Variants in ADAMTS14 observed in about 807,000 individuals in gnomAD.
ADAMTS14 encodes the protein ADAM metallopeptidase with thrombospondin type 1 motif 14.
Under a neutral mutation model 128.6 loss-of-function variants are expected in ADAMTS14, and 100 were observed. The observed-to-expected ratio is 0.78, with a 90% CI of 0.66 to 0.92. The LOEUF (loss-of-function observed/expected upper bound fraction) is 0.92, where lower values mean the gene tolerates loss of function less well. Ranked by LOEUF, ADAMTS14 falls within the 40% of genes least tolerant of loss-of-function variation. The probability of loss-of-function intolerance (pLI) is 0.00; values close to 1 mark genes in which losing one functional copy is unlikely to be tolerated. For synonymous variants in ADAMTS14, 665 were observed against 653.8 expected (o/e 1.02, Z -0.26); for missense variants, 1,562 against 1,658.6 (o/e 0.94, Z 1.01).
At chr10:70,732,935 G>A (rs560725153) in intron 7 of ADAMTS14, among the ~76,000 whole-genome samples, 32 of 152,272 alleles carry the variant, frequency 2.1e-4, no homozygotes, top group East Asian at 3.9e-4. Flanking sequence ...ACCATGCACC[G>A]GGCCCCATTC....
intron 4 of ADAMTS14, among the ~76,000 whole-genome samples, chr10:70,725,614 A>G (rs1253452248): frequency 6.6e-6 from 1 of 152,140 alleles, no homozygotes; most frequent in East Asian, 1.9e-4. Flanking sequence ...TCCTTTTATA[A>G]GGACACTAAT....
intron 15 of ADAMTS14, among the ~76,000 whole-genome samples, chr10:70,746,107 G>A (rs1199858220): frequency 6.6e-6 from 1 of 152,120 alleles, no homozygotes; most frequent in African/African-American, 2.4e-5. Context: ...AGGAATAGGA[G>A]GAATGTAGAG....
chr10:70,717,106 T>G (rs550769917), intron 4 of ADAMTS14, among the ~76,000 whole-genome samples: 1 of 152,314 alleles, frequency 6.6e-6, no homozygotes, highest in East Asian at 1.9e-4. Flanking sequence ...AAAGGGGTAG[T>G]TGTTTTCAGC....
At chr10:70,727,670 CTGGCATCACATCCCTGACCATGCTGG>C (rs1841486599) in intron 4 of ADAMTS14, among the ~76,000 whole-genome samples, 1 of 152,028 alleles carries the variant, frequency 6.6e-6, no homozygotes, top group Admixed American at 6.6e-5. Flanking sequence ...GACCACACTG[CTGGCATCACATCCCTGACCATGCTGG>C]TGGCATCACA....
Position 70,731,834 on chromosome 10 carries a change from G to A in ADAMTS14, c.1103-420G>A, listed in dbSNP as rs528848236. 3.3e-4 allele frequency among the ~76,000 whole-genome samples: 50 copies of A among 152,326 alleles called. 1 individual carries two copies. In the South Asian group the frequency reaches 9.9e-3, roughly 30 times the overall value. On this transcript the variant is annotated intron_variant, in intron 6 of 21. Coordinates refer to ENST00000373207, the MANE Select transcript of ADAMTS14 (RefSeq NM_080722.4). ...GGTGGTGGGTGGGTAGCGGGGTGTT[G>A]CAGGGTCGGGGTAGGCTCGGATCTG...
At chr10:70,756,779 CA>C (rs1842487288) in intron 19 of ADAMTS14, among the ~76,000 whole-genome samples, 1 of 152,236 alleles carries the variant, frequency 6.6e-6, no homozygotes. Context: ...CCTGTTTCAG[CA>C]GCTGGCCCAG....
At chr10:70,742,888 A>T (rs1360935896) in intron 12 of ADAMTS14, among the ~76,000 whole-genome samples, 1 of 152,194 alleles carries the variant, frequency 6.6e-6, no homozygotes, top group South Asian at 2.1e-4. Flanking sequence ...CTGTTGCTCC[A>T]TTTTGCAAAC....
At chr10:70,729,521 C>A in intron 5 of ADAMTS14, 144 bp downstream of exon 5, 1 of 727,282 alleles carries the variant, frequency 1.4e-6, no homozygotes, top group South Asian at 1.7e-5. Context: ...AGAATTGTGG[C>A]TTCAGTGATG....
intron 15 of ADAMTS14, among the ~76,000 whole-genome samples, chr10:70,745,848 CA>C (rs1842163256): frequency 1.3e-5 from 2 of 152,106 alleles, no homozygotes; most frequent in Admixed American, 6.5e-5. Context: ...TGGCCTCGCT[CA>C]CATGTCTGGT....
chr10:70,755,352 C>A (rs1007023345), intron 19 of ADAMTS14, among the ~76,000 whole-genome samples: 4 of 151,474 alleles, frequency 2.6e-5, no homozygotes, highest in Non-Finnish European at 4.4e-5. Flanking sequence ...AGCCAGACAT[C>A]CAGACATGTA....
chr10:70,733,808 C>G (rs1841728987), intron 7 of ADAMTS14, 77 bp from the exon 8 acceptor site: 3 of 1,541,822 alleles, frequency 1.9e-6, no homozygotes, highest in Non-Finnish European at 2.6e-6. Flanking sequence ...TCTCCTGCTG[C>G]TGGCCTGCCT....
intron 4 of ADAMTS14, among the ~76,000 whole-genome samples, chr10:70,723,019 C>A (rs1190566788): frequency 6.6e-6 from 1 of 152,188 alleles, no homozygotes; most frequent in East Asian, 1.9e-4. Flanking sequence ...CTGACAAACA[C>A]TCCCTCAGCT....
Position 70,679,858 on chromosome 10 carries a change from T to A in ADAMTS14, c.522+4863T>A, listed in dbSNP as rs545140646. ...TTTGGGAGGGGCAGGGGAGGCTGCA[T>A]CCCAGCCCAGCTGCTCACCACTGAA... On this transcript the variant is annotated intron_variant, in intron 2 of 21. Transcript: ENST00000373207. Among the ~76,000 whole-genome samples, 3 of 152,232 alleles carry A rather than the reference T, an allele frequency of 2.0e-5. No individual in the cohort carries two copies. In the South Asian group the frequency reaches 6.2e-4, roughly 32 times the overall value.
At position 70,708,272 on chromosome 10, in the gene ADAMTS14, G is replaced by A. The variant is rs528838991; in HGVS notation, c.680-316G>A. ...TCATGTTATAAGAGAGACAATGGAG[G>A]CCAGAGAAGCGAGGGATTGGGCCTG... On this transcript the variant is annotated intron_variant, in intron 3 of 21. Coordinates refer to ENST00000373207, the MANE Select transcript of ADAMTS14 (RefSeq NM_080722.4). Among the ~76,000 whole-genome samples, 98 of 152,326 alleles carry A rather than the reference G, an allele frequency of 6.4e-4. 2 individuals carry two copies. The highest frequency in any genetic ancestry group is 2.3e-3 in the African/African-American group (94 of 41,568).
chr10:70,685,874 A>G (rs1477070), intron 2 of ADAMTS14, among the ~76,000 whole-genome samples: 25,373 of 152,048 alleles, frequency 0.17, 2,690 homozygotes, highest in Middle Eastern at 0.25. Flanking sequence ...GGCTCCCACT[A>G]TGAGGGGGAG....
At chr10:70,759,128 CTA>C (rs1564563827) in intron 21 of ADAMTS14, among the ~76,000 whole-genome samples, 16 of 32,898 alleles carry the variant, frequency 4.9e-4, no homozygotes, top group Non-Finnish European at 8.2e-4. Context: ...CTCCAATCTT[CTA>C]CTTCTCTGCT....
intron 4 of ADAMTS14, among the ~76,000 whole-genome samples, chr10:70,711,787 G>C (rs1564532685): frequency 6.6e-6 from 1 of 152,126 alleles, no homozygotes; most frequent in Non-Finnish European, 1.5e-5. Flanking sequence ...ACGTGGAGGC[G>C]AATGGTATCC....
intron 2 of ADAMTS14, among the ~76,000 whole-genome samples, chr10:70,681,524 T>G (rs772747865): frequency 3.9e-5 from 6 of 151,952 alleles, no homozygotes; most frequent in Non-Finnish European, 7.4e-5. Flanking sequence ...TAAACAGGAG[T>G]CACATTAGTG....
In ADAMTS14 at chr10:70,751,510, C is replaced by T. The variant is rs1842349590; in HGVS notation, c.2460C>T (p.Ser820=). 1 of 1,610,620 alleles carries T rather than the reference C, an allele frequency of 6.2e-7. No homozygotes were observed. Among genetic ancestry groups the T allele is most frequent in the Non-Finnish European group, 8.5e-7 (1 of 1,177,108 alleles). Reference sequence around the variant, plus strand: ...CCCCAACTGAGGGTGGCCCCCGCAGCAGCCTGGCCTACAAGTACGTCATCC... The same window carrying T: ...CCCCAACTGAGGGTGGCCCCCGCAGTAGCCTGGCCTACAAGTACGTCATCC... ...ALPPTEGGPR[S]SLAYKYVIHE... Residue 820 remains serine (S), a synonymous_variant, in exon 17 of 22, where the codon AGC becomes AGT. Coordinates refer to ENST00000373207, the MANE Select transcript of ADAMTS14 (RefSeq NM_080722.4).
Sources: gnomAD v4.1 joint callset for allele counts (sites outside exome capture counted in the v4.1 genomes callset) on GRCh38, gnomAD v4.1.1 for gene constraint, MANE v1.5 for transcripts, NCBI Gene and HGNC (gene_info 2026-07-23, HGNC 2026-07-21) for gene names.